The following KCNIP4 variants were observed in gnomAD, a reference collection of about 807,000 sequenced individuals.
KCNIP4 encodes potassium voltage-gated channel interacting protein 4.
In KCNIP4, 12 loss-of-function variants were observed where a neutral mutation model predicts 34.0. The observed-to-expected ratio is 0.35, with a 90% CI of 0.23 to 0.57. The LOEUF (loss-of-function observed/expected upper bound fraction) is 0.57, where lower values mean the gene tolerates loss of function less well. Among genes scored for constraint, KCNIP4 ranks in the 20% least tolerant of loss-of-function variants. The probability of loss-of-function intolerance (pLI) is 0.83; values close to 1 mark genes in which losing one functional copy is unlikely to be tolerated. For synonymous variants in KCNIP4, 124 were observed against 102.2 expected, an observed-to-expected ratio of 1.21 and a Z score of -1.29; for missense variants, 238 against 311.7, an observed-to-expected ratio of 0.76 and a Z score of 1.78.
intron 1 of KCNIP4, among the ~76,000 whole-genome samples, chr4:21,113,053 T>A (rs535450068): frequency 1.4e-3 from 210 of 152,286 alleles, no homozygotes; most frequent in African/African-American, 4.8e-3. Flanking sequence ...TACATAAATA[T>A]AAGATTTTTG....
intron 3 of KCNIP4, among the ~76,000 whole-genome samples, chr4:20,849,701 T>C (rs1720794125): frequency 6.6e-6 from 1 of 152,194 alleles, no homozygotes; most frequent in Non-Finnish European, 1.5e-5. Context: ...TTGGTTTCCA[T>C]ATGTATAAGA....
At chr4:20,846,958 T>G (rs1578762629) in intron 3 of KCNIP4, among the ~76,000 whole-genome samples, 5 of 152,188 alleles carry the variant, frequency 3.3e-5, no homozygotes, top group Admixed American at 2.6e-4. Flanking sequence ...CCCAGATGGT[T>G]GCAACGTGCA....
At chr4:21,323,004 T>C (rs925106451) in intron 1 of KCNIP4, among the ~76,000 whole-genome samples, 3 of 151,992 alleles carry the variant, frequency 2.0e-5, no homozygotes, top group Non-Finnish European at 4.4e-5. Context: ...TAAAGGGAAT[T>C]GATGGTATAA....
intron 1 of KCNIP4, among the ~76,000 whole-genome samples, chr4:21,022,644 T>C (rs947599100): frequency 6.6e-6 from 1 of 152,208 alleles, no homozygotes; most frequent in Non-Finnish European, 1.5e-5. Flanking sequence ...AGAAATAGTA[T>C]ATTAACAATA....
At chr4:20,903,631 A>G (rs1420914579) in intron 1 of KCNIP4, among the ~76,000 whole-genome samples, 6 of 152,210 alleles carry the variant, frequency 3.9e-5, no homozygotes, top group African/African-American at 7.2e-5. Flanking sequence ...AACCAAACGA[A>G]TGTACTTCTT....
intron 1 of KCNIP4, among the ~76,000 whole-genome samples, chr4:21,370,765 C>T (rs1371184214): frequency 8.9e-6 from 1 of 112,124 alleles, no homozygotes; most frequent in Non-Finnish European, 1.6e-5. Flanking sequence ...AAATGACTGG[C>T]ATGTTGGAGG....
At chr4:21,811,637 A>C (rs1386304449) in intron 1 of KCNIP4, among the ~76,000 whole-genome samples, 1 of 152,216 alleles carries the variant, frequency 6.6e-6, no homozygotes, top group African/African-American at 2.4e-5. Flanking sequence ...AGAAGAGATA[A>C]AACAGCCTTG....
intron 1 of KCNIP4, among the ~76,000 whole-genome samples, chr4:21,912,302 G>A (rs1411234569): frequency 2.0e-5 from 3 of 152,156 alleles, no homozygotes; most frequent in Non-Finnish European, 2.9e-5. Context: ...TCTGACTGAT[G>A]TTTTTAGCAG....
chr4:21,881,403 T>A (rs1365084896), intron 1 of KCNIP4, among the ~76,000 whole-genome samples: 1 of 152,132 alleles, frequency 6.6e-6, no homozygotes, highest in East Asian at 1.9e-4. Flanking sequence ...AATAGTACCC[T>A]AGGATAAAAT....
chr4:21,467,069 A>AC (rs1254311955), intron 1 of KCNIP4, among the ~76,000 whole-genome samples: 24 of 97,134 alleles, frequency 2.5e-4, no homozygotes, highest in African/African-American at 8.5e-4. Flanking sequence ...ACCAAACCAA[A>AC]ACAAACACAC....
chr4:21,621,854 A>T (rs573416942), intron 1 of KCNIP4, among the ~76,000 whole-genome samples: 1 of 152,326 alleles, frequency 6.6e-6, no homozygotes, highest in African/African-American at 2.4e-5. Context: ...GGTTGGAGCC[A>T]GTGCCTTTAT....
chr4:21,153,288 A>AC (rs1752889253), intron 1 of KCNIP4, among the ~76,000 whole-genome samples: 1 of 151,906 alleles, frequency 6.6e-6, no homozygotes, highest in African/African-American at 2.4e-5. Context: ...TTTTCCTGAA[A>AC]CCTTGCCAGC....
chr4:20,758,768 C>A, intron 4 of KCNIP4, 53 bp downstream of exon 4: 2 of 1,399,090 alleles, frequency 1.4e-6, no homozygotes, highest in Non-Finnish European at 2.0e-6. Context: ...CTCAACACTG[C>A]AAGCATAATT....
intron 1 of KCNIP4, among the ~76,000 whole-genome samples, chr4:21,506,745 C>T (rs1396388447): frequency 2.0e-5 from 3 of 152,094 alleles, no homozygotes; most frequent in Admixed American, 2.0e-4. Context: ...TTCTAATAGT[C>T]ACATTAAGAA....
Position 21,221,787 on chromosome 4 carries a change from G to T in KCNIP4, c.62-339078C>A, listed in dbSNP as rs79461160. Among the ~76,000 whole-genome samples the T allele has an allele frequency of 1.8e-4, 28 of 152,298 alleles. 1 individual carries two copies. The East Asian group carries it at 4.4e-3, about 24-fold the overall frequency. The stretch of plus-strand genomic sequence containing the variant: ...AAGGTATGCATTTCAGTATTTCAGA[G>T]AGAATGGAAAAGGGCTCAGAGAAAT... On this transcript the variant is annotated intron_variant, in intron 1 of 8. Transcript: ENST00000382152.
At chr4:21,621,276 A>C (rs1744980083) in intron 1 of KCNIP4, among the ~76,000 whole-genome samples, 2 of 152,350 alleles carry the variant, frequency 1.3e-5, no homozygotes, top group East Asian at 3.9e-4. Context: ...ACTTAATGCT[A>C]TCTAGATCTC....
chr4:21,654,309 T>G (rs1265056331), intron 1 of KCNIP4, among the ~76,000 whole-genome samples: 1 of 152,222 alleles, frequency 6.6e-6, no homozygotes, highest in African/African-American at 2.4e-5. Context: ...AATTGTTACT[T>G]AACTGCCTTA....
intron 1 of KCNIP4, among the ~76,000 whole-genome samples, chr4:21,857,481 G>A (rs1285289292): frequency 6.6e-6 from 1 of 152,078 alleles, no homozygotes; most frequent in Non-Finnish European, 1.5e-5. Flanking sequence ...ACCAGTTGTA[G>A]ACAGGAGCTA....
At chr4:21,723,032 A>T (rs1221234517) in intron 1 of KCNIP4, among the ~76,000 whole-genome samples, 1 of 152,160 alleles carries the variant, frequency 6.6e-6, no homozygotes, top group Non-Finnish European at 1.5e-5. Context: ...ATCTACCTAG[A>T]CATTTGTTTT....
Sources: allele counts gnomAD v4.1 joint callset (sites outside exome capture counted in the v4.1 genomes callset), GRCh38; gene constraint gnomAD v4.1.1; transcripts MANE v1.5; gene names NCBI Gene and HGNC (gene_info 2026-07-23, HGNC 2026-07-21).